The following ROBO1 variants were observed in gnomAD, a reference collection of about 807,000 sequenced individuals.
ROBO1 encodes the protein roundabout homolog 1.
ROBO1 carries 149 observed loss-of-function variants against 195.9 expected under a neutral mutation model. That is an observed-to-expected ratio of 0.76 (90% CI 0.67 to 0.87). The LOEUF (loss-of-function observed/expected upper bound fraction) is 0.87. Ranked by LOEUF, ROBO1 falls within the 40% of genes least tolerant of loss-of-function variation. ROBO1 has a pLI of 0.00. For synonymous variants in ROBO1, 816 were observed against 733.2 expected (o/e 1.11, Z -1.82); for missense variants, 1,933 against 2,068.3 (o/e 0.93, Z 1.27).
At chr3:79,283,282 C>A (rs975353772) in intron 2 of ROBO1, among the ~76,000 whole-genome samples, 2 of 152,152 alleles carry the variant, frequency 1.3e-5, no homozygotes, top group African/African-American at 4.8e-5. Context: ...TGCTCACTAC[C>A]TGGGTGATGG....
chr3:79,532,733 G>A (rs1170911926), intron 2 of ROBO1, among the ~76,000 whole-genome samples: 1 of 152,140 alleles, frequency 6.6e-6, no homozygotes, highest in African/African-American at 2.4e-5. Flanking sequence ...AAACTTGGAG[G>A]TTTTAAACAA....
intron 2 of ROBO1, among the ~76,000 whole-genome samples, chr3:79,331,083 T>C (rs919842952): frequency 6.6e-5 from 10 of 152,234 alleles, no homozygotes; most frequent in Admixed American, 4.6e-4. Flanking sequence ...AATATTTGCA[T>C]TGATAATACA....
At chr3:79,370,369 A>T (rs1395426831) in intron 2 of ROBO1, among the ~76,000 whole-genome samples, 1 of 150,908 alleles carries the variant, frequency 6.6e-6, no homozygotes. Context: ...TAAAAAAAAA[A>T]GTTCCTTTAA....
intron 4 of ROBO1, among the ~76,000 whole-genome samples, chr3:78,936,487 T>G (rs1002341771): frequency 6.6e-6 from 1 of 152,054 alleles, no homozygotes; most frequent in Non-Finnish European, 1.5e-5. Flanking sequence ...TTCATGGGCT[T>G]TGCAACTGTG....
At chr3:79,600,403 G>A (rs1346507078) in intron 1 of ROBO1, among the ~76,000 whole-genome samples, 3 of 151,956 alleles carry the variant, frequency 2.0e-5, no homozygotes, top group Non-Finnish European at 4.4e-5. Flanking sequence ...CATGTTGAGA[G>A]GCAGAAGTGT....
intron 1 of ROBO1, among the ~76,000 whole-genome samples, chr3:79,607,348 C>G (rs1944521529): frequency 6.6e-6 from 1 of 151,236 alleles, no homozygotes; most frequent in Non-Finnish European, 1.5e-5. Context: ...TTTCTAAAAT[C>G]AATTGCTCTC....
rs1219387012 is a variant in ROBO1 at position 78,860,135 on chromosome 3, A to ATAGG, written c.499+78462_499+78465dup. The stretch of plus-strand genomic sequence containing the variant: ...GAAAGAAGGGAACATAGGTAGGTAG[A>ATAGG]TAGGTAGATAGATAGATAGATAGAT... On this transcript the variant is annotated intron_variant, in intron 4 of 30. Transcript: ENST00000464233. 7.4e-4 allele frequency among the ~76,000 whole-genome samples: 97 copies of ATAGG among 130,810 alleles called. 1 individual carries two copies. Among genetic ancestry groups the ATAGG allele is most frequent in the Non-Finnish European group, 1.0e-3 (64 of 61,500 alleles). The allele number at this position is 130,810 out of a possible 152,430, so 85.8% of individuals were successfully genotyped here.
chr3:78,928,899 AC>A (rs765052780), intron 4 of ROBO1, among the ~76,000 whole-genome samples: 5 of 152,188 alleles, frequency 3.3e-5, no homozygotes, highest in Non-Finnish European at 5.9e-5. Context: ...ACTTAATGTG[AC>A]TAAATCTACA....
intron 2 of ROBO1, among the ~76,000 whole-genome samples, chr3:79,461,983 T>G (rs1937664164): frequency 6.6e-6 from 1 of 152,112 alleles, no homozygotes; most frequent in African/African-American, 2.4e-5. Flanking sequence ...ATTTATATAT[T>G]AAGTTAATAT....
intron 1 of ROBO1, among the ~76,000 whole-genome samples, chr3:79,735,609 G>A (rs979061365): frequency 3.3e-5 from 5 of 152,164 alleles, no homozygotes; most frequent in African/African-American, 1.2e-4. Context: ...GGTGGCTCAC[G>A]CCTGTAATCC....
At chr3:78,746,254 T>G (rs546100728) in intron 5 of ROBO1, among the ~76,000 whole-genome samples, 1 of 152,292 alleles carries the variant, frequency 6.6e-6, no homozygotes, top group African/African-American at 2.4e-5. Flanking sequence ...GATAAATTCA[T>G]CATTAACCAC....
At chr3:79,461,106 G>T (rs1937620428) in intron 2 of ROBO1, among the ~76,000 whole-genome samples, 1 of 152,078 alleles carries the variant, frequency 6.6e-6, no homozygotes, top group South Asian at 2.1e-4. Context: ...ATATTAAAAA[G>T]AATTTTAGTC....
intron 3 of ROBO1, among the ~76,000 whole-genome samples, chr3:78,972,103 C>T (rs1297391562): frequency 6.6e-6 from 1 of 152,166 alleles, no homozygotes; most frequent in African/African-American, 2.4e-5. Flanking sequence ...TAATTAAACA[C>T]ATTCCTTATA....
intron 2 of ROBO1, among the ~76,000 whole-genome samples, chr3:79,213,812 C>CT (rs2082005626): frequency 1.5e-5 from 2 of 131,026 alleles, no homozygotes; most frequent in Admixed American, 1.0e-4. Context: ...TAACTCTCCC[C>CT]TTTCTTTTTT....
At chr3:79,546,036 C>T (rs1942251220) in intron 2 of ROBO1, among the ~76,000 whole-genome samples, 1 of 152,020 alleles carries the variant, frequency 6.6e-6, no homozygotes, top group African/African-American at 2.4e-5. Context: ...GTATGAATAT[C>T]ATGAGGATGG....
intron 9 of ROBO1, among the ~76,000 whole-genome samples, chr3:78,688,029 A>G (rs1218306068): frequency 1.3e-5 from 2 of 152,254 alleles, no homozygotes; most frequent in Non-Finnish European, 2.9e-5. Context: ...CTGAAGTCCA[A>G]TAATGAACTT....
At chr3:78,784,978 G>A (rs539274805) in intron 4 of ROBO1, among the ~76,000 whole-genome samples, 1 of 152,102 alleles carries the variant, frequency 6.6e-6, no homozygotes, top group South Asian at 2.1e-4. Context: ...AGCTGCACAG[G>A]TTATTCACTG....
At chr3:79,594,535 T>G (rs546393292) in intron 1 of ROBO1, among the ~76,000 whole-genome samples, 7 of 152,076 alleles carry the variant, frequency 4.6e-5, no homozygotes, top group Non-Finnish European at 1.0e-4. Context: ...TTGTAAGTTA[T>G]AAGTGTATGG....
chr3:78,964,865 G>C (rs1449166768), intron 3 of ROBO1, among the ~76,000 whole-genome samples: 1 of 78,698 alleles, frequency 1.3e-5, no homozygotes, highest in Middle Eastern at 8.1e-3. Context: ...TTTTATTTTT[G>C]TAGAGACAGA....
Sources: gnomAD v4.1 joint callset for allele counts (sites outside exome capture counted in the v4.1 genomes callset) on GRCh38, gnomAD v4.1.1 for gene constraint, MANE v1.5 for transcripts, NCBI Gene and HGNC (gene_info 2026-07-23, HGNC 2026-07-21) for gene names.